Variants in SPATS2 observed in about 807,000 individuals in gnomAD.
The protein encoded by SPATS2 is spermatogenesis associated serine rich 2.
Under a neutral mutation model 63.7 loss-of-function variants are expected in SPATS2, and 38 were observed. That is an observed-to-expected ratio of 0.60 (90% CI 0.46 to 0.78). SPATS2 has a LOEUF of 0.78. Among genes scored for constraint, SPATS2 ranks in the 30% least tolerant of loss-of-function variants. SPATS2 has a pLI of 0.00. For missense variants in SPATS2, 588 were observed against 666.2 expected, an observed-to-expected ratio of 0.88 and a Z score of 1.29; for synonymous variants, 207 against 232.9, an observed-to-expected ratio of 0.89 and a Z score of 1.01.
At chr12:49,409,592 AT>A (rs753378038) in intron 2 of SPATS2, among the ~76,000 whole-genome samples, 2,112 of 73,518 alleles carry the variant, frequency 0.029, 19 homozygotes, top group African/African-American at 0.066. Context: ...GTGCCCAGCA[AT>A]TTTTTTTTTT....
intron 3 of SPATS2, among the ~76,000 whole-genome samples, chr12:49,461,839 A>G (rs1162311080): frequency 6.6e-6 from 1 of 152,216 alleles, no homozygotes; most frequent in Admixed American, 6.5e-5. Context: ...TTGTAGCTTC[A>G]TTGTGTAGTA....
chr12:49,459,290 T>C (rs1945775677), intron 2 of SPATS2, among the ~76,000 whole-genome samples: 1 of 152,192 alleles, frequency 6.6e-6, no homozygotes, highest in African/African-American at 2.4e-5. Context: ...TGTCCCGGTG[T>C]GCCTGCCCAC....
rs1426677759 is a variant in SPATS2 at position 49,514,625 on chromosome 12, G to T, written c.898+12G>T. On this transcript the variant is annotated intron_variant, in intron 10 of 13. Coordinates refer to ENST00000552918, the MANE Select transcript of SPATS2 (RefSeq NM_023071.4). ...GAAAGCTGAAGCAAGTAAGATGATT[G>T]ATCTTTAATTAAAGCTATTACCTTC... 1.2e-6 allele frequency: 2 copies of T among 1,611,882 alleles called. No individual in the cohort carries two copies. Among genetic ancestry groups the T allele is most frequent in the Admixed American group, 1.7e-5 (1 of 59,904 alleles).
chr12:49,420,508 C>T (rs1219852765), intron 2 of SPATS2, among the ~76,000 whole-genome samples: 5 of 152,148 alleles, frequency 3.3e-5, no homozygotes, highest in African/African-American at 9.7e-5. Flanking sequence ...GCAGGAGAAT[C>T]GCTTGAACCT....
intron 2 of SPATS2, among the ~76,000 whole-genome samples, chr12:49,379,157 T>A (rs1208403601): frequency 1.3e-5 from 2 of 150,026 alleles, no homozygotes; most frequent in Admixed American, 1.3e-4. Flanking sequence ...CCTGACCTCA[T>A]GATCCACCCA....
Position 49,382,893 on chromosome 12 carries a change from T to C in SPATS2, c.-244+11603T>C, listed in dbSNP as rs191277409. Among the ~76,000 whole-genome samples the C allele has an allele frequency of 2.0e-3, 305 of 150,650 alleles. 1 individual carries two copies. The highest frequency in any genetic ancestry group is 6.9e-3 in the African/African-American group (281 of 40,908). ...CTAATTTTTGTATTTTTAGTAGAGATGGAGTTTCACCATGTTGGCCAGGCT... is the reference window on the plus strand; with the variant it reads ...CTAATTTTTGTATTTTTAGTAGAGACGGAGTTTCACCATGTTGGCCAGGCT... On this transcript the variant is annotated intron_variant, in intron 2 of 13. Coordinates refer to ENST00000552918, the MANE Select transcript of SPATS2 (RefSeq NM_023071.4).
At chr12:49,430,923 C>T (rs925817105) in intron 2 of SPATS2, among the ~76,000 whole-genome samples, 1 of 152,142 alleles carries the variant, frequency 6.6e-6, no homozygotes, top group African/African-American at 2.4e-5. Context: ...TAATCTCGAA[C>T]TCCTGACCTC....
chr12:49,524,153 A>G (rs1946992114), intron 12 of SPATS2, among the ~76,000 whole-genome samples: 1 of 152,226 alleles, frequency 6.6e-6, no homozygotes, highest in Non-Finnish European at 1.5e-5. Context: ...AAATTTGGCA[A>G]TATACATGTT....
intron 8 of SPATS2, among the ~76,000 whole-genome samples, chr12:49,497,392 C>CTT (rs113685100): frequency 2.8e-5 from 4 of 142,946 alleles, no homozygotes; most frequent in Non-Finnish European, 3.1e-5. Context: ...CTGACATTGA[C>CTT]TTTTTTTTTT....
Position 49,450,244 on chromosome 12 carries a change from T to A in SPATS2, c.-243-10526T>A, listed in dbSNP as rs546654282. Among the ~76,000 whole-genome samples the A allele has an allele frequency of 4.5e-4, 69 of 151,718 alleles. No individual in the cohort carries two copies. In the South Asian group the frequency reaches 9.1e-3, roughly 20 times the overall value. Reference sequence around the variant, plus strand: ...TCTTTTGAGTGGAGTCTTTTTTTTTTAAATTTTATTTATTTATTTTTTTGA... The same window carrying A: ...TCTTTTGAGTGGAGTCTTTTTTTTTAAAATTTTATTTATTTATTTTTTTGA... On this transcript the variant is annotated intron_variant, in intron 2 of 13. Transcript: ENST00000552918.
At chr12:49,397,349 C>G (rs780684496) in intron 2 of SPATS2, among the ~76,000 whole-genome samples, 5 of 152,080 alleles carry the variant, frequency 3.3e-5, no homozygotes, top group Admixed American at 6.6e-5. Flanking sequence ...ACTGTATTTC[C>G]TGTCCTGAGA....
At chr12:49,403,776 G>C (rs11834236) in intron 2 of SPATS2, among the ~76,000 whole-genome samples, 13,951 of 152,106 alleles carry the variant, frequency 0.092, 756 homozygotes, top group African/African-American at 0.14. Context: ...GGAATTTGGG[G>C]CCTCAGCTCA....
At chr12:49,414,053 G>T (rs530011796) in intron 2 of SPATS2, among the ~76,000 whole-genome samples, 1 of 152,268 alleles carries the variant, frequency 6.6e-6, no homozygotes, top group African/African-American at 2.4e-5. Flanking sequence ...GTACTGTGTT[G>T]CAATAGAGTA....
intron 4 of SPATS2, among the ~76,000 whole-genome samples, chr12:49,488,961 G>T (rs1340347589): frequency 6.6e-6 from 1 of 152,148 alleles, no homozygotes; most frequent in East Asian, 1.9e-4. Flanking sequence ...TCAGTGGCAT[G>T]CAATGGGTGT....
intron 1 of SPATS2, among the ~76,000 whole-genome samples, chr12:49,370,100 A>G (rs1278109207): frequency 1.3e-5 from 2 of 152,184 alleles, no homozygotes; most frequent in African/African-American, 4.8e-5. Flanking sequence ...TTGAGCATTT[A>G]TGTATTCCAG....
At chr12:49,464,993 G>A (rs1399758662) in intron 3 of SPATS2, among the ~76,000 whole-genome samples, 2 of 152,080 alleles carry the variant, frequency 1.3e-5, no homozygotes, top group Non-Finnish European at 2.9e-5. Flanking sequence ...TAGATATTAT[G>A]TCTGGCTTCT....
intron 9 of SPATS2, among the ~76,000 whole-genome samples, chr12:49,500,596 A>C (rs868825010): frequency 0.017 from 2,554 of 151,546 alleles, 35 homozygotes; most frequent in Middle Eastern, 0.041. Context: ...CACGGTGAAA[A>C]CCCGTCTCTA....
intron 2 of SPATS2, among the ~76,000 whole-genome samples, chr12:49,376,092 ATTTTTTTTT>A (rs749954777): frequency 1.4e-4 from 11 of 81,080 alleles, no homozygotes; most frequent in African/African-American, 3.4e-4. Flanking sequence ...ACCTGGCCTG[ATTTTTTTTT>A]TTTTTTTTTT....
At chr12:49,444,796 G>C (rs1157041419) in intron 2 of SPATS2, among the ~76,000 whole-genome samples, 1 of 151,852 alleles carries the variant, frequency 6.6e-6, no homozygotes, top group African/African-American at 2.4e-5. Flanking sequence ...TAGAGATGGG[G>C]TTTCACCATG....
Sources: gnomAD v4.1 joint callset for allele counts (sites outside exome capture counted in the v4.1 genomes callset) on GRCh38, gnomAD v4.1.1 for gene constraint, MANE v1.5 for transcripts, NCBI Gene and HGNC (gene_info 2026-07-23, HGNC 2026-07-21) for gene names.